SERP2: variants seen among roughly 807,000 people sequenced by gnomAD.
SERP2 encodes the protein stress associated endoplasmic reticulum protein family member 2.
In SERP2, 6 loss-of-function variants were observed where a neutral mutation model predicts 9.1. The ratio of observed to expected loss-of-function variants is 0.66; its 90% CI spans 0.36 to 1.30. The LOEUF (loss-of-function observed/expected upper bound fraction) is 1.30. SERP2 is among the 50% of genes most tolerant of loss of function. SERP2 has a pLI of 0.03. For synonymous variants in SERP2, 37 were observed against 27.3 expected (o/e 1.35, Z -1.10); for missense variants, 58 against 81.9 (o/e 0.71, Z 1.13).
chr13:44,387,498 C>G (rs1198183657), intron 2 of SERP2, among the ~76,000 whole-genome samples: 1 of 152,190 alleles, frequency 6.6e-6, no homozygotes, highest in Non-Finnish European at 1.5e-5. Flanking sequence ...TCCAGCTTTC[C>G]TCTTTGACCA....
intron 1 of SERP2, among the ~76,000 whole-genome samples, chr13:44,377,103 T>C (rs1871702158): frequency 6.6e-6 from 1 of 152,268 alleles, no homozygotes; most frequent in African/African-American, 2.4e-5. Context: ...AAAAGATATA[T>C]GGGTACTATG....
Position 44,397,343 on chromosome 13 carries a change from C to T in SERP2, c.*31C>T, listed in dbSNP as rs1873174863. 5.8e-6 allele frequency: 9 copies of T among 1,559,282 alleles called. No individual in the cohort carries two copies. Among genetic ancestry groups the T allele is most frequent in the Non-Finnish European group, 8.0e-6 (9 of 1,130,410 alleles). ...CCAGGGATTTGACACCACCTCCCTC[C>T]CACTGGAGGCGGGAGGACAACGGAA... On this transcript the variant is annotated 3_prime_UTR_variant, in exon 3 of 3. Coordinates refer to ENST00000379179, the MANE Select transcript of SERP2 (RefSeq NM_001010897.3).
intron 1 of SERP2, among the ~76,000 whole-genome samples, chr13:44,377,301 T>C (rs953799666): frequency 2.0e-5 from 3 of 152,242 alleles, no homozygotes; most frequent in African/African-American, 7.2e-5. Context: ...TTATTAGCTT[T>C]GCTGGAAATA....
In SERP2 at chr13:44,373,942, C is replaced by T; in HGVS notation, c.-84C>T. ...CAGCGCCCGGGTGGGCCGCGGGGGC[C>T]TCGGCGGGACGCGCTCGGCCCTGTC... On this transcript the variant is annotated 5_prime_UTR_variant, in exon 1 of 3. Coordinates refer to ENST00000379179, the MANE Select transcript of SERP2 (RefSeq NM_001010897.3). The surrounding 1 kb of genome is among the most constrained non-coding windows in gnomAD (Gnocchi z 4.8). The T allele has an allele frequency of 1.5e-6, 2 of 1,337,038 alleles. No homozygotes were observed. Among genetic ancestry groups the T allele is most frequent in the South Asian group, 2.6e-5 (2 of 77,768 alleles). The allele number at this position is 1,337,038 out of a possible 1,614,324, so 82.8% of individuals were successfully genotyped here.
chr13:44,374,268 G>A (rs984309077), intron 1 of SERP2, among the ~76,000 whole-genome samples, 159 bp downstream of exon 1: 1 of 152,142 alleles, frequency 6.6e-6, no homozygotes, highest in Non-Finnish European at 1.5e-5. Context: ...CTGAGAGCTG[G>A]GTTCAGGGCG....
rs1290145236 is a variant in SERP2, at chr13:44,391,815, T to TCTGCTTC, written c.158-5456_158-5455insTGCTTCC. On this transcript the variant is annotated intron_variant, in intron 2 of 2. Transcript: ENST00000379179. ...GTCTGAGAACCTCTGCTCCAGGTGA[T>TCTGCTTC]CAAAGAAGGCTTCTCTGAAGACATT... Among the ~76,000 whole-genome samples the TCTGCTTC allele has an allele frequency of 2.0e-3, 308 of 152,208 alleles. 1 individual carries two copies. The highest frequency in any genetic ancestry group is 7.1e-3 in the African/African-American group (293 of 41,514).
intron 1 of SERP2, among the ~76,000 whole-genome samples, chr13:44,376,397 G>A (rs1871650550): frequency 2.0e-5 from 3 of 152,144 alleles, no homozygotes; most frequent in African/African-American, 7.2e-5. Flanking sequence ...TTCTTTAATT[G>A]TATGCAGATG....
intron 2 of SERP2, chr13:44,390,620 T>C (rs1872670115): frequency 3.8e-6 from 1 of 261,444 alleles, no homozygotes; most frequent in Non-Finnish European, 7.8e-6. Flanking sequence ...CATTTGGGAT[T>C]GTGTAGAGGC....
chr13:44,380,083 C>G (rs1214200739), intron 2 of SERP2, among the ~76,000 whole-genome samples: 1 of 152,118 alleles, frequency 6.6e-6, no homozygotes, highest in East Asian at 1.9e-4. Flanking sequence ...GGCCTTATGC[C>G]TTATGAGAAA....
At chr13:44,374,254 G>A in intron 1 of SERP2, 145 bp downstream of exon 1, 1 of 530,350 alleles carries the variant, frequency 1.9e-6, no homozygotes, top group South Asian at 4.6e-5. Context: ...CTGCAGAGTG[G>A]GGGCTGAGAG....
At chr13:44,381,675 GTTACTTTT>G (rs1172900903) in intron 2 of SERP2, among the ~76,000 whole-genome samples, 1 of 152,202 alleles carries the variant, frequency 6.6e-6, no homozygotes, top group Non-Finnish European at 1.5e-5. Flanking sequence ...CAGGCTTGCA[GTTACTTTT>G]TAACAGTTGC....
chr13:44,382,436 C>CAA (rs71202274), intron 2 of SERP2, among the ~76,000 whole-genome samples: 1,074 of 44,584 alleles, frequency 0.024, 53 homozygotes, highest in African/African-American at 0.058. Context: ...GACTCCGTCT[C>CAA]AAAAAAAAAA....
chr13:44,389,980 C>T (rs1172413482), intron 2 of SERP2, among the ~76,000 whole-genome samples: 1 of 152,172 alleles, frequency 6.6e-6, no homozygotes, highest in African/African-American at 2.4e-5. Context: ...TGGCCAATGT[C>T]CCATAGCTAA....
chr13:44,380,668 G>T (rs1308401740), intron 2 of SERP2, among the ~76,000 whole-genome samples: 1 of 152,146 alleles, frequency 6.6e-6, no homozygotes, highest in Admixed American at 6.5e-5. Flanking sequence ...GTTGCTTGTG[G>T]CTCAAATATT....
chr13:44,378,617 G>A (rs980009844), intron 1 of SERP2, among the ~76,000 whole-genome samples: 1 of 151,690 alleles, frequency 6.6e-6, no homozygotes, highest in African/African-American at 2.4e-5. Context: ...TGTGTTGAAT[G>A]CAGCCTATTT....
chr13:44,376,114 C>T (rs1871633298), intron 1 of SERP2, among the ~76,000 whole-genome samples: 1 of 152,198 alleles, frequency 6.6e-6, no homozygotes, highest in African/African-American at 2.4e-5. Flanking sequence ...GAAAGGTTTC[C>T]AGACCAAGCC....
intron 2 of SERP2, among the ~76,000 whole-genome samples, chr13:44,382,436 C>CA (rs71202274): frequency 0.49 from 22,183 of 45,302 alleles, 5,117 homozygotes; most frequent in East Asian, 0.65. Context: ...GACTCCGTCT[C>CA]AAAAAAAAAA....
At chr13:44,375,714 T>G (rs1416757190) in intron 1 of SERP2, among the ~76,000 whole-genome samples, 2 of 152,212 alleles carry the variant, frequency 1.3e-5, no homozygotes, top group Admixed American at 1.3e-4. Context: ...TTGTCAGATC[T>G]CAGTTGACAG....
chr13:44,385,553 G>A (rs1389556067), intron 2 of SERP2, among the ~76,000 whole-genome samples: 2 of 152,178 alleles, frequency 1.3e-5, no homozygotes, highest in South Asian at 2.1e-4. Flanking sequence ...TTCAGAATAA[G>A]CAAATTTCTA....
Sources: allele counts gnomAD v4.1 joint callset (sites outside exome capture counted in the v4.1 genomes callset), GRCh38; gene constraint gnomAD v4.1.1; non-coding constraint Gnocchi (gnomAD v3.1); transcripts MANE v1.5; gene names NCBI Gene and HGNC (gene_info 2026-07-23, HGNC 2026-07-21).